Variants in RBM3 observed in about 807,000 individuals in gnomAD.
RBM3 encodes the protein RNA binding motif protein 3.
Under a neutral mutation model 12.0 loss-of-function variants are expected in RBM3, and 3 were observed. The observed-to-expected ratio is 0.25, with a 90% confidence interval of 0.11 to 0.65. The LOEUF (loss-of-function observed/expected upper bound fraction) is 0.65. RBM3 is among the 30% of genes least tolerant of loss of function. RBM3 has a pLI of 0.84. For missense variants in RBM3, 108 were observed against 134.5 expected (o/e 0.80, Z 0.97); for synonymous variants, 58 against 45.7 (o/e 1.27, Z -1.08).
intron 3 of RBM3, chrX:48,576,014 C>T (rs2062078329): frequency 1.1e-6 from 1 of 904,112 alleles, no homozygotes; most frequent in Admixed American, 3.6e-5. Flanking sequence ...AGAGAGGTGT[C>T]TGTCTAGCCC....
At chrX:48,577,358 GTGTCCCTGT>G in intron 6 of RBM3, 98 bp from the exon 7 acceptor site, 1 of 861,578 alleles carries the variant, frequency 1.2e-6, no homozygotes, top group East Asian at 3.5e-5. Flanking sequence ...AAATGAAGGT[GTGTCCCTGT>G]TGTCCAACCC....
intron 5 of RBM3, among the ~76,000 whole-genome samples, 161 bp downstream of exon 5, chrX:48,576,765 G>A (rs1556989387): frequency 1.8e-5 from 2 of 111,793 alleles, no homozygotes; most frequent in East Asian, 2.8e-4. Context: ...ATATAGTTGC[G>A]ACATGGTAAA....
chrX:48,574,514 TG>T lies in RBM3; in HGVS notation c.-72del, dbSNP rs1556988727. ...TCGTCTTCCGGCGCAGCCCCGTCCCTGTTTTTTGTGCTCCTCCGAGCTCGCT... is the reference window on the plus strand; with the variant it reads ...TCGTCTTCCGGCGCAGCCCCGTCCCTTTTTTTGTGCTCCTCCGAGCTCGCT... On this transcript the variant is annotated 5_prime_UTR_variant, in exon 1 of 7. Transcript: ENST00000376759. 3.0e-6 allele frequency: 1 copy of T among 330,702 alleles called. No homozygotes were observed. Among genetic ancestry groups the T allele is most frequent in the African/African-American group, 2.6e-5 (1 of 37,844 alleles). The allele number at this position is 330,702 out of a possible 1,213,427, so 27.3% of individuals were successfully genotyped here.
chrX:48,574,959 A>C, intron 1 of RBM3: 1 of 450,172 alleles, frequency 2.2e-6, no homozygotes. Flanking sequence ...AGCATGCGCA[A>C]TGTGGCCCCC....
Position 48,574,545 on chromosome X carries a change from G to T in RBM3, c.-42G>T, listed in dbSNP as rs1410974528. 6.0e-6 allele frequency: 2 copies of T among 331,339 alleles called. No homozygotes were observed. The highest frequency in any genetic ancestry group is 5.3e-5 in the African/African-American group (2 of 37,990). 27.3% of individuals were successfully genotyped at this position (331,339 alleles called of 1,213,427 possible). ...TTGTGCTCCTCCGAGCTCGCTGTTCGTCCGGGTTTTTTACGTTTTAATTTC... is the reference window on the plus strand; with the variant it reads ...TTGTGCTCCTCCGAGCTCGCTGTTCTTCCGGGTTTTTTACGTTTTAATTTC... On this transcript the variant is annotated 5_prime_UTR_variant, in exon 1 of 7. Coordinates refer to ENST00000376759, the MANE Select transcript of RBM3 (RefSeq NM_006743.5).
Position 48,575,173 on chromosome X carries a change from G to C in RBM3, c.-8G>C. The C allele has an allele frequency of 8.4e-7, 1 of 1,194,708 alleles. No individual in the cohort carries two copies. The highest frequency in any genetic ancestry group is 1.1e-6 in the Non-Finnish European group (1 of 882,359). The stretch of plus-strand genomic sequence containing the variant: ...TCTTCATGTTCTTCCCACAGGACTT[G>C]AACTGCCATGTCCTCTGAAGAAGGA... On this transcript the variant is annotated 5_prime_UTR_variant, in exon 2 of 7. Transcript: ENST00000376759.
Position 48,579,466 on chromosome X carries a change from A to G in RBM3, c.*2025A>G, listed in dbSNP as rs1039594376. On this transcript the variant is annotated 3_prime_UTR_variant, in exon 7 of 7. Transcript: ENST00000376759. ...GTCATGAATTTGCTTTGGCAGGTGG[A>G]TGGAGACTTGGGAACTTCCACCTCA... 8.9e-6 allele frequency among the ~76,000 whole-genome samples: 1 copy of G among 111,865 alleles called. No individual in the cohort carries two copies. The highest frequency in any genetic ancestry group is 1.9e-5 in the Non-Finnish European group (1 of 53,183).
chrX:48,575,469 C>T, intron 2 of RBM3, 92 bp from the exon 3 acceptor site: 1 of 872,347 alleles, frequency 1.1e-6, no homozygotes, highest in Non-Finnish European at 1.6e-6. Flanking sequence ...GTTTTCCCTA[C>T]CTATGCCATC....
Position 48,578,649 on chromosome X carries a change from G to A in RBM3, c.*1208G>A, listed in dbSNP as rs1556989931. On this transcript the variant is annotated 3_prime_UTR_variant, in exon 7 of 7. Coordinates refer to ENST00000376759, the MANE Select transcript of RBM3 (RefSeq NM_006743.5). ...GGTGGGTGGGCAGGGACTGCCAGAG[G>A]GTTAGGTGTACATTGAGGCCTGAGG... The A allele has an allele frequency of 9.0e-6, 1 of 111,726 alleles. No individual in the cohort carries two copies. The highest frequency in any genetic ancestry group is 3.2e-5 in the African/African-American group (1 of 30,782). The allele number at this position is 111,726 out of a possible 1,213,427, so 9.2% of individuals were successfully genotyped here.
In RBM3 at chrX:48,580,708, A is replaced by G. The variant is rs1172706795; in HGVS notation, c.*3267A>G. 8.9e-6 allele frequency: 1 copy of G among 112,249 alleles called. No individual in the cohort carries two copies. Among genetic ancestry groups the G allele is most frequent in the Admixed American group, 9.5e-5 (1 of 10,531 alleles). The allele number at this position is 112,249 out of a possible 1,213,427, so 9.3% of individuals were successfully genotyped here. A position where few individuals can be genotyped will look rare whatever the true frequency, so the allele number is the denominator to read the frequency against. On this transcript the variant is annotated 3_prime_UTR_variant, in exon 7 of 7. Coordinates refer to ENST00000376759, the MANE Select transcript of RBM3 (RefSeq NM_006743.5). ...CACACCTGGCCTAGGAGTTAAGAGTATTAAATGTTAAGAACAGACCAAGTC... is the reference window on the plus strand; with the variant it reads ...CACACCTGGCCTAGGAGTTAAGAGTGTTAAATGTTAAGAACAGACCAAGTC...
intron 5 of RBM3, 32 bp downstream of exon 5, chrX:48,576,636 A>G (rs370012689): frequency 3.2e-5 from 37 of 1,160,184 alleles, no homozygotes; most frequent in East Asian, 6.6e-5. Context: ...ATGTTCTCCT[A>G]TTGCTTCCCT....
chrX:48,576,136 C>T (rs2062078677), intron 3 of RBM3, 178 bp from the exon 4 acceptor site: 4 of 1,160,301 alleles, frequency 3.4e-6, no homozygotes, highest in Admixed American at 2.6e-5. Context: ...GTGTGGGATT[C>T]TATAGCTCCT....
Position 48,576,428 on chromosome X carries a change from A to G in RBM3, c.316+9A>G, listed in dbSNP as rs782776807. On this transcript the variant is annotated intron_variant, in intron 4 of 6. Coordinates refer to ENST00000376759, the MANE Select transcript of RBM3 (RefSeq NM_006743.5). The stretch of plus-strand genomic sequence containing the variant: ...TCGCAGCTACTCTAGAGGTGAGTGC[A>G]GTGATCGTTTTGATCATGGGGTGAG... 1 of 1,206,913 alleles carries G rather than the reference A, an allele frequency of 8.3e-7. No individual in the cohort carries two copies. Among genetic ancestry groups the G allele is most frequent in the Non-Finnish European group, 1.1e-6 (1 of 893,330 alleles).
At chrX:48,575,968 T>C in intron 3 of RBM3, 2 of 672,780 alleles carry the variant, frequency 3.0e-6, no homozygotes, top group South Asian at 5.9e-5. Flanking sequence ...GAGGACCTCG[T>C]GAGTCTTCTG....
At chrX:48,576,018 C>T in intron 3 of RBM3, 1 of 943,624 alleles carries the variant, frequency 1.1e-6, no homozygotes, top group East Asian at 3.4e-5. Flanking sequence ...AGGTGTCTGT[C>T]TAGCCCTGAT....
chrX:48,575,703 A>G (rs782453984), intron 3 of RBM3, 36 bp downstream of exon 3: 2 of 1,132,106 alleles, frequency 1.8e-6, no homozygotes, highest in East Asian at 3.0e-5. Flanking sequence ...CCTTGTCCCC[A>G]TCTGCGGCTT....
intron 3 of RBM3, chrX:48,575,947 C>A: frequency 1.7e-6 from 1 of 586,594 alleles, no homozygotes; most frequent in Non-Finnish European, 2.6e-6. Flanking sequence ...GACCTGTGGG[C>A]CTGGCCCGGA....
At chrX:48,575,711 C>T (rs368646391) in intron 3 of RBM3, 44 bp downstream of exon 3, 17 of 1,112,520 alleles carry the variant, frequency 1.5e-5, no homozygotes, top group Non-Finnish European at 2.0e-5. Flanking sequence ...CCATCTGCGG[C>T]TTCCTTCATT....
rs1393095592 is a variant in RBM3 at position 48,580,988 on chromosome X, T to C, written c.*3547T>C. On this transcript the variant is annotated 3_prime_UTR_variant, in exon 7 of 7. Coordinates refer to ENST00000376759, the MANE Select transcript of RBM3 (RefSeq NM_006743.5). ...GTAAGACCTGACCTGAGGCTTCTTA[T>C]AACCTTTACTCAGTGGGAATATGCA... 2 of 95,034 alleles carry C rather than the reference T, an allele frequency of 2.1e-5. No individual in the cohort carries two copies. Among genetic ancestry groups the C allele is most frequent in the Middle Eastern group, 5.1e-3 (1 of 197 alleles). The allele number at this position is 95,034 out of a possible 1,213,427, so 7.8% of individuals were successfully genotyped here.
Sources: gnomAD v4.1 joint callset for allele counts (sites outside exome capture counted in the v4.1 genomes callset) on GRCh38, gnomAD v4.1.1 for gene constraint, MANE v1.5 for transcripts, NCBI Gene and HGNC (gene_info 2026-07-23, HGNC 2026-07-21) for gene names.